PLCH1: variants seen among roughly 807,000 people sequenced by gnomAD.
The protein encoded by PLCH1 is phospholipase C eta 1.
Under a neutral mutation model 126.7 loss-of-function variants are expected in PLCH1, and 60 were observed. That is an observed-to-expected ratio of 0.47 (90% CI 0.38 to 0.59). PLCH1 has a LOEUF of 0.59. Ranked by LOEUF, PLCH1 falls within the 20% of genes least tolerant of loss-of-function variation. The probability of loss-of-function intolerance (pLI) is 0.00; values close to 1 mark genes in which losing one functional copy is unlikely to be tolerated. For missense variants in PLCH1, 1,723 were observed against 2,040.0 expected (o/e 0.84, Z 2.99); for synonymous variants, 719 against 734.9 (o/e 0.98, Z 0.35).
At chr3:155,470,739 C>T (rs1377485223) in intron 21 of PLCH1, among the ~76,000 whole-genome samples, 2 of 151,728 alleles carry the variant, frequency 1.3e-5, no homozygotes, top group Admixed American at 6.6e-5. Flanking sequence ...CGGCAGAAAC[C>T]CTACAAGCCA....
intron 2 of PLCH1, among the ~76,000 whole-genome samples, chr3:155,639,961 CT>C (rs1739208682): frequency 6.6e-6 from 1 of 152,160 alleles, no homozygotes; most frequent in South Asian, 2.1e-4. Context: ...GACATGCTTC[CT>C]TCTTCTTTGC....
At chr3:155,740,850 C>A (rs578140845) in intron 1 of PLCH1, among the ~76,000 whole-genome samples, 10 of 152,268 alleles carry the variant, frequency 6.6e-5, no homozygotes, top group Non-Finnish European at 1.3e-4. Flanking sequence ...CATTTAGCAA[C>A]TTTGGGCCCT....
chr3:155,647,151 T>G (rs978801954), intron 2 of PLCH1, among the ~76,000 whole-genome samples: 1 of 152,166 alleles, frequency 6.6e-6, no homozygotes, highest in Non-Finnish European at 1.5e-5. Context: ...TGTCGTATCA[T>G]GCAGGGCCAA....
chr3:155,477,505 G>A (rs1406759278), downstream of PLCH1, among the ~76,000 whole-genome samples: 1 of 151,544 alleles, frequency 6.6e-6, no homozygotes, highest in African/African-American at 2.4e-5. Flanking sequence ...CTCTGACAAG[G>A]GATTAGTAAC....
chr3:155,514,005 A>G (rs1019482774), intron 12 of PLCH1, among the ~76,000 whole-genome samples: 1 of 152,192 alleles, frequency 6.6e-6, no homozygotes, highest in East Asian at 1.9e-4. Flanking sequence ...ATTGGCAGTT[A>G]TCTCGCAACC....
At chr3:155,546,367 C>T (rs1332296340) in intron 10 of PLCH1, among the ~76,000 whole-genome samples, 1 of 152,104 alleles carries the variant, frequency 6.6e-6, no homozygotes, top group Non-Finnish European at 1.5e-5. Flanking sequence ...AACTACAAAC[C>T]ACTGCTCAAG....
chr3:155,470,049 AC>A (rs1713127206), intron 21 of PLCH1, among the ~76,000 whole-genome samples: 1 of 152,206 alleles, frequency 6.6e-6, no homozygotes, highest in Non-Finnish European at 1.5e-5. Context: ...GCAGTTCCTC[AC>A]CAGCAACGGA....
rs1322242926 is a variant in PLCH1, at chr3:155,721,492, CT to C, written c.-40-17229del. ...CAGCTATTGTAACAGGGGTTGAGTT[CT>C]TGATTTGATTCTCAGCTTGGTCGCT... On this transcript the variant is annotated intron_variant, in intron 1 of 22. Coordinates refer to ENST00000460012, the MANE Select transcript of PLCH1 (RefSeq NM_014996.4). 4.0e-5 allele frequency among the ~76,000 whole-genome samples: 6 copies of C among 151,896 alleles called. No homozygotes were observed. In the East Asian group the frequency reaches 9.6e-4, roughly 24 times the overall value.
chr3:155,500,886 G>A lies in PLCH1; in HGVS notation c.1705-92C>T. The A allele has an allele frequency of 9.9e-6, 8 of 804,066 alleles. No homozygotes were observed. The Admixed American group carries it at 1.0e-4, about 10-fold the overall frequency. 49.8% of individuals were successfully genotyped at this position (804,066 alleles called of 1,614,324 possible). A position where few individuals can be genotyped will look rare whatever the true frequency, so the allele number is the denominator to read the frequency against. On this transcript the variant is annotated intron_variant, in intron 13 of 22. Transcript: ENST00000460012. ...ATGAGCTGGGCTTTAAAATGCACAT[G>A]TGCACAAACATAACTTGGAGGGAGA... is the stretch of plus-strand genomic sequence containing the variant.
intron 11 of PLCH1, among the ~76,000 whole-genome samples, chr3:155,517,220 T>G (rs1366844902): frequency 1.3e-5 from 2 of 152,004 alleles, no homozygotes; most frequent in Non-Finnish European, 2.9e-5. Context: ...GGTGGAAGGA[T>G]CCCATGAGCC....
At position 155,486,114 on chromosome 3, in the gene PLCH1, C is replaced by T. The variant is rs879746171; in HGVS notation, c.2620-404G>A. 2.9e-6 allele frequency: 4 copies of T among 1,373,278 alleles called. No homozygotes were observed. The East Asian group carries it at 1.0e-4, about 34-fold the overall frequency. The allele number at this position is 1,373,278 out of a possible 1,614,324, so 85.1% of individuals were successfully genotyped here. A position where few individuals can be genotyped will look rare whatever the true frequency, so the allele number is the denominator to read the frequency against. On this transcript the variant is annotated intron_variant, in intron 21 of 22. Transcript: ENST00000460012. ...CATAACCACTTAAAAAGAAATATGC[C>T]AGCCAGAACAAAGCACCATGCTGAG...
At chr3:155,621,314 C>T (rs534194320) in intron 2 of PLCH1, among the ~76,000 whole-genome samples, 9 of 152,124 alleles carry the variant, frequency 5.9e-5, no homozygotes, top group East Asian at 1.9e-4. Context: ...GAGAAACCAG[C>T]GCAAAACGAC....
intron 19 of PLCH1, among the ~76,000 whole-genome samples, chr3:155,490,017 G>T (rs1032684946): frequency 6.6e-6 from 1 of 152,164 alleles, no homozygotes; most frequent in Admixed American, 6.5e-5. Flanking sequence ...AATGCAATTT[G>T]AGAAGGTTTC....
At chr3:155,580,990 A>C (rs1474264620) in intron 6 of PLCH1, among the ~76,000 whole-genome samples, 1 of 152,202 alleles carries the variant, frequency 6.6e-6, no homozygotes, top group Admixed American at 6.5e-5. Flanking sequence ...GAAATGAATT[A>C]ATCTGAAATG....
intron 2 of PLCH1, among the ~76,000 whole-genome samples, chr3:155,641,268 A>T (rs573014790): frequency 1.3e-5 from 2 of 151,170 alleles, no homozygotes; most frequent in East Asian, 1.9e-4. Flanking sequence ...CAATTTTTTT[A>T]AATTAAAAAT....
chr3:155,464,520 G>A (rs1712857800), intron 21 of PLCH1, among the ~76,000 whole-genome samples: 1 of 152,068 alleles, frequency 6.6e-6, no homozygotes, highest in African/African-American at 2.4e-5. Context: ...AAATTTTACA[G>A]GTTTGCTCTA....
At chr3:155,551,063 C>T (rs1180777346) in intron 9 of PLCH1, among the ~76,000 whole-genome samples, 3 of 152,244 alleles carry the variant, frequency 2.0e-5, no homozygotes, top group East Asian at 1.9e-4. Context: ...AAAGCAACAG[C>T]AACAACAAAC....
intron 1 of PLCH1, among the ~76,000 whole-genome samples, chr3:155,705,753 G>T (rs1228990042): frequency 6.6e-6 from 1 of 152,178 alleles, no homozygotes; most frequent in Non-Finnish European, 1.5e-5. Flanking sequence ...AGATGACAAG[G>T]TGTTAGAGAT....
intron 9 of PLCH1, among the ~76,000 whole-genome samples, chr3:155,552,671 G>C (rs1290181571): frequency 2.0e-5 from 3 of 152,204 alleles, no homozygotes; most frequent in Non-Finnish European, 4.4e-5. Context: ...GAAGATGATA[G>C]TGGAAGACAA....
Sources: gnomAD v4.1 joint callset for allele counts (sites outside exome capture counted in the v4.1 genomes callset) on GRCh38, gnomAD v4.1.1 for gene constraint, MANE v1.5 for transcripts, NCBI Gene and HGNC (gene_info 2026-07-23, HGNC 2026-07-21) for gene names.